Variants in SCNN1D observed in about 807,000 individuals in gnomAD.
The protein encoded by SCNN1D is epithelial sodium channel subunit delta.
Under a neutral mutation model 87.8 loss-of-function variants are expected in SCNN1D, and 104 were observed. The observed-to-expected ratio is 1.18, with a 90% CI of 1.01 to 1.39. The LOEUF (loss-of-function observed/expected upper bound fraction) is 1.39. Ranked by LOEUF, SCNN1D falls within the 40% of genes most tolerant of loss-of-function variation. The pLI is 0.00. For synonymous variants in SCNN1D, 628 were observed against 481.2 expected (o/e 1.31, Z -3.99); for missense variants, 1,324 against 1,093.9 (o/e 1.21, Z -2.97).
chr1:1,288,054 AG>A lies in SCNN1D; in HGVS notation c.1662+22del, dbSNP rs1033263304. 6 of 1,004,910 alleles carry A rather than the reference AG, an allele frequency of 6.0e-6. No individual in the cohort carries two copies. The highest frequency in any genetic ancestry group is 7.5e-5 in the Admixed American group (2 of 26,554). 62.2% of individuals were successfully genotyped at this position (1,004,910 alleles called of 1,614,324 possible). A position where few individuals can be genotyped will look rare whatever the true frequency, so the allele number is the denominator to read the frequency against. Reference sequence around the variant, plus strand: ...ACCAGGCAGGTGAGGCTGGGCTGGCAGGGGGTGCGGGGGCAGGTGAGGCTGG... The same window carrying A: ...ACCAGGCAGGTGAGGCTGGGCTGGCAGGGGTGCGGGGGCAGGTGAGGCTGG... On this transcript the variant is annotated intron_variant, in intron 12 of 17. Coordinates refer to ENST00000379116, the MANE Select transcript of SCNN1D (RefSeq NM_001130413.4).
intron 5 of SCNN1D, among the ~76,000 whole-genome samples, chr1:1,285,218 A>T (rs192748742): frequency 1.3e-5 from 2 of 152,332 alleles, no homozygotes; most frequent in African/African-American, 4.8e-5. Flanking sequence ...ACCTCGGAGC[A>T]GGCTTGGGCA....
intron 12 of SCNN1D, 62 bp downstream of exon 12, chr1:1,288,099 G>A (rs1570607963): frequency 8.4e-7 from 1 of 1,193,740 alleles, no homozygotes; most frequent in Non-Finnish European, 1.2e-6. Context: ...GGGGGTGTGG[G>A]CGGGTGGAAC....
At chr1:1,280,809 C>T in intron 1 of SCNN1D, 143 bp downstream of exon 1, 1 of 628,148 alleles carries the variant, frequency 1.6e-6, no homozygotes, top group South Asian at 1.8e-5. Flanking sequence ...TAGAAGGCAG[C>T]CCACACGCAC....
intron 15 of SCNN1D, 23 bp downstream of exon 15, chr1:1,290,717 T>A: frequency 1.2e-6 from 2 of 1,611,758 alleles, no homozygotes; most frequent in Non-Finnish European, 1.7e-6. Context: ...AGTGGTGGGG[T>A]GGGGGTGTGG....
rs771368623 is a variant in SCNN1D at position 1,287,951 on chromosome 1, C to T, written c.1576C>T (p.Arg526Trp). 2.2e-4 allele frequency: 345 copies of T among 1,543,800 alleles called. 1 individual carries two copies. The highest frequency in any genetic ancestry group is 1.0e-3 in the South Asian group (86 of 83,410). ...TISIREDEVH[R>W]LGSPYGHCTA... ...CGTCCCCTCCCAGGACGAGGTGCACCGGCTCGGGAGCCCCTACGGCCACTG... is the reference window on the plus strand; with the variant it reads ...CGTCCCCTCCCAGGACGAGGTGCACTGGCTCGGGAGCCCCTACGGCCACTG... The change falls in exon 12 of 18, where the codon CGG (arginine) becomes TGG (tryptophan). Residue 526 changes from arginine (R) to tryptophan (W), a missense_variant. Arg to Trp is a moderately radical substitution (Grantham distance 101). Transcript: ENST00000379116.
Position 1,285,936 on chromosome 1 carries a change from A to G in SCNN1D, c.569A>G (p.Gln190Arg). The change falls in exon 7 of 18, where the codon CAG (glutamine) becomes CGG (arginine). Residue 190 changes from glutamine to arginine, a missense_variant. By Grantham distance (43) the Gln-to-Arg change is conservative. Coordinates refer to ENST00000379116, the MANE Select transcript of SCNN1D (RefSeq NM_001130413.4). ...AACKQGQAAAQTPPRPGPPSA... is the reference protein window; with the variant it reads ...AACKQGQAAARTPPRPGPPSA... ...CCACTCTGCACACAGGCTGCAGCCCAGACGCCCCCCAGGCCGGGGCCACCA... is the reference window on the plus strand; with the variant it reads ...CCACTCTGCACACAGGCTGCAGCCCGGACGCCCCCCAGGCCGGGGCCACCA... 1 of 1,549,714 alleles carries G rather than the reference A, an allele frequency of 6.5e-7. No individual in the cohort carries two copies. Among genetic ancestry groups the G allele is most frequent in the Non-Finnish European group, 8.7e-7 (1 of 1,145,834 alleles).
At chr1:1,281,954 C>T in intron 3 of SCNN1D, 1 of 572,046 alleles carries the variant, frequency 1.7e-6, no homozygotes, top group Non-Finnish European at 3.1e-6. Flanking sequence ...CACCTAGGAC[C>T]TTGTCCCCGC....
intron 12 of SCNN1D, 48 bp downstream of exon 12, chr1:1,288,085 G>T: frequency 1.3e-6 from 1 of 758,302 alleles, no homozygotes. Flanking sequence ...GGCTGGGCTG[G>T]CCAGGGGGTG....
Position 1,286,120 on chromosome 1 carries a change from C to G in SCNN1D, c.753C>G (p.Ser251=), listed in dbSNP as rs1640584856. ...GCGGGAACCGCCTCAAGACGACGTC[C>G]TGGGGGCTGCTGTCCCTGGGAGCCC... ...CSRGNRLKTT[S]WGLLSLGALV... Residue 251 remains serine (S), a synonymous_variant, in exon 7 of 18, where the codon TCC becomes TCG. Transcript: ENST00000379116. The G allele has an allele frequency of 6.2e-7, 1 of 1,610,598 alleles. No individual in the cohort carries two copies.
At chr1:1,287,482 G>A in intron 9 of SCNN1D, 26 bp from the exon 10 acceptor site, 1 of 1,515,438 alleles carries the variant, frequency 6.6e-7, no homozygotes, top group Non-Finnish European at 8.8e-7. Context: ...CGACATTCAA[G>A]GTCTGAGCTT....
intron 8 of SCNN1D, 53 bp from the exon 9 acceptor site, chr1:1,287,049 CGAGTGGG>C (rs1420143181): frequency 6.7e-5 from 105 of 1,576,726 alleles, no homozygotes; most frequent in Non-Finnish European, 8.6e-5. Flanking sequence ...GCTGGTACCT[CGAGTGGG>C]GAGCGGGGCC....
chr1:1,289,969 C>T (rs545510191), intron 12 of SCNN1D, among the ~76,000 whole-genome samples: 4 of 26,624 alleles, frequency 1.5e-4, no homozygotes, highest in Non-Finnish European at 2.0e-4. Context: ...CTCCGTCCCC[C>T]GTGTCTGCTC....
In SCNN1D at chr1:1,281,435, C is replaced by T; in HGVS notation, c.102C>T (p.Asp34=). 1 of 1,520,214 alleles carries T rather than the reference C, an allele frequency of 6.6e-7. No homozygotes were observed. Among genetic ancestry groups the T allele is most frequent in the Non-Finnish European group, 8.8e-7 (1 of 1,138,140 alleles). 94.2% of individuals were successfully genotyped at this position (1,520,214 alleles called of 1,614,324 possible). A position where few individuals can be genotyped will look rare whatever the true frequency, so the allele number is the denominator to read the frequency against. ...GGCTCACCTGGTCATGGTGCAGTGA[C>T]CACAGGACCCCCACATGCCGGGAGC... ...PRRLTWSWCS[D]HRTPTCRELG... The change falls in exon 3 of 18, where the codon GAC becomes GAT. Residue 34 remains aspartate (D), a synonymous_variant. Coordinates refer to ENST00000379116, the MANE Select transcript of SCNN1D (RefSeq NM_001130413.4).
Position 1,281,507 on chromosome 1 carries a change from G to A in SCNN1D, c.174G>A (p.Trp58Ter). 1 of 1,534,438 alleles carries A rather than the reference G, an allele frequency of 6.5e-7. No individual in the cohort carries two copies. Among genetic ancestry groups the A allele is most frequent in the Non-Finnish European group, 8.7e-7 (1 of 1,146,100 alleles). The change falls in exon 3 of 18, where the codon TGG becomes TGA. Residue 58 changes from tryptophan (W) to a stop codon, truncating the protein, a stop_gained. Transcript: ENST00000379116. LOFTEE classifies it high-confidence loss of function. ...PTPCTGPARG[W>*]PRRGGGPCGF... ...CCTGCACCGGGCCAGCGAGGGGATGGCCCAGAAGAGGGGGAGGACCATGTG... is the reference window on the plus strand; with the variant it reads ...CCTGCACCGGGCCAGCGAGGGGATGACCCAGAAGAGGGGGAGGACCATGTG...
At chr1:1,282,393 G>T in intron 4 of SCNN1D, 78 bp downstream of exon 4, 1 of 1,489,160 alleles carries the variant, frequency 6.7e-7, no homozygotes, top group South Asian at 1.2e-5. Flanking sequence ...GCCAAGCCCA[G>T]GGACCCAGCA....
chr1:1,280,514 C>T lies in SCNN1D; in HGVS notation c.-148C>T, dbSNP rs1557577990. On this transcript the variant is annotated 5_prime_UTR_variant, in exon 1 of 18. Transcript: ENST00000379116. ...ATCAGTAGAAGGGAATGTCTGGTTA[C>T]AGTATGGCGTTGTGCAGATGAAGGT... The T allele has an allele frequency of 1.6e-5, 9 of 555,846 alleles. No homozygotes were observed. Among genetic ancestry groups the T allele is most frequent in the Admixed American group, 5.6e-5 (2 of 35,848 alleles). The allele number at this position is 555,846 out of a possible 1,614,324, so 34.4% of individuals were successfully genotyped here.
rs775003217 is a variant in SCNN1D at position 1,287,721 on chromosome 1, T to C, written c.1448T>C (p.Leu483Pro). 4.3e-6 allele frequency: 7 copies of C among 1,609,832 alleles called. 1 individual carries two copies. The highest frequency in any genetic ancestry group is 3.3e-5 in the South Asian group (3 of 90,646). The stretch of plus-strand genomic sequence containing the variant: ...GAGCAGCAGCCTCACCTCCCTCTGC[T>C]GTCCACGCTGGCCGGCATCAGGGTC... Reference protein sequence around the residue: ...RVEQQPHLPLLSTLAGIRVMV... With the variant: ...RVEQQPHLPLPSTLAGIRVMV... Residue 483 changes from leucine to proline, a missense_variant, in exon 11 of 18, where the codon CTG (leucine) becomes CCG (proline). Coordinates refer to ENST00000379116, the MANE Select transcript of SCNN1D (RefSeq NM_001130413.4).
chr1:1,287,303 AGTGTGGCGGGC>A lies in SCNN1D; in HGVS notation c.1310+6_1310+16del, dbSNP rs1304418808. ...ATGGCCTGGACTGCCAGGCCCGGTG[AGTGTGGCGGGC>A]GGGGGCCACTCCTTCCGTCCCACCC... On this transcript the variant is annotated splice_donor_5th_base_variant and intron_variant, in intron 9 of 17. Transcript: ENST00000379116. The A allele has an allele frequency of 5.1e-6, 8 of 1,581,400 alleles. No individual in the cohort carries two copies. In the East Asian group the frequency reaches 1.8e-4, roughly 36 times the overall value.
At position 1,280,538 on chromosome 1, in the gene SCNN1D, G is replaced by T. The variant is rs1640449322; in HGVS notation, c.-124G>T. Reference sequence around the variant, plus strand: ...ACAGTATGGCGTTGTGCAGATGAAGGTCTTATCGCAGATGAAGCCACCAGG... The same window carrying T: ...ACAGTATGGCGTTGTGCAGATGAAGTTCTTATCGCAGATGAAGCCACCAGG... On this transcript the variant is annotated 5_prime_UTR_variant, in exon 1 of 18. Transcript: ENST00000379116. The T allele has an allele frequency of 6.1e-6, 4 of 654,868 alleles. No homozygotes were observed. The Admixed American group carries it at 8.4e-5, about 14-fold the overall frequency. 40.6% of individuals were successfully genotyped at this position (654,868 alleles called of 1,614,324 possible).
Sources: gnomAD v4.1 joint callset for allele counts (sites outside exome capture counted in the v4.1 genomes callset) on GRCh38, gnomAD v4.1.1 for gene constraint, MANE v1.5 for transcripts, NCBI Gene and HGNC (gene_info 2026-07-23, HGNC 2026-07-21) for gene names.